The following ACADM variants were observed in gnomAD, a reference collection of about 807,000 sequenced individuals.
ACADM encodes medium-chain specific acyl-CoA dehydrogenase, mitochondrial.
ACADM carries 49 observed loss-of-function variants against 58.9 expected under a neutral mutation model. That is an observed-to-expected ratio of 0.83 (90% CI 0.66 to 1.06). The LOEUF (loss-of-function observed/expected upper bound fraction) is 1.06, where lower values mean the gene tolerates loss of function less well. Among genes scored for constraint, ACADM ranks in the 50% least tolerant of loss-of-function variants. The pLI is 0.00. For synonymous variants in ACADM, 160 were observed against 157.7 expected, an observed-to-expected ratio of 1.01 and a Z score of -0.11; for missense variants, 496 against 507.0, an observed-to-expected ratio of 0.98 and a Z score of 0.21.
At chr1:75,741,317 G>A (rs1008832126) in intron 7 of ACADM, among the ~76,000 whole-genome samples, 5 of 152,138 alleles carry the variant, frequency 3.3e-5, no homozygotes, top group Admixed American at 2.6e-4. Context: ...TTCCTTATGA[G>A]CATCCTAAAT....
Position 75,762,743 on chromosome 1 carries a change from A to G in ACADM, c.1246A>G (p.Ile416Val), listed in dbSNP as rs1333993229. 6.2e-7 allele frequency: 1 copy of G among 1,604,668 alleles called. No individual in the cohort carries two copies. The highest frequency in any genetic ancestry group is 8.5e-7 in the Non-Finnish European group (1 of 1,172,156). Residue 416 changes from isoleucine to valine, a missense_variant, in exon 12 of 12, where the codon ATT (isoleucine) becomes GTT (valine). By Grantham distance (29) the Ile-to-Val change is conservative. Coordinates refer to ENST00000370841, the MANE Select transcript of ACADM (RefSeq NM_000016.6). ...AAGACTTATTGTAGCCCGTGAACAC[A>G]TTGACAAGTACAAAAATTAAAAAAA... Reference protein sequence around the residue: ...IQRLIVAREHIDKYKN With the variant: ...IQRLIVAREHVDKYKN
chr1:75,744,600 G>A (rs3207436), intron 7 of ACADM: 1 of 1,243,268 alleles, frequency 8.0e-7, no homozygotes, highest in Non-Finnish European at 1.2e-6. Context: ...TAGTTCTGAA[G>A]AAGCGAACAC....
At position 75,740,115 on chromosome 1, in the gene ACADM, G is replaced by A. The variant is rs875989861; in HGVS notation, c.599+5G>A. 19 of 1,608,030 alleles carry A rather than the reference G, an allele frequency of 1.2e-5. No homozygotes were observed. Among genetic ancestry groups the A allele is most frequent in the Non-Finnish European group, 1.4e-5 (17 of 1,175,824 alleles). ...CAACGGAGGAAAAGCTAATTGGTAT[G>A]TTGTTCAAAACATCTTTGTATATTT... On this transcript the variant is annotated splice_donor_5th_base_variant and intron_variant, in intron 7 of 11. Coordinates refer to ENST00000370841, the MANE Select transcript of ACADM (RefSeq NM_000016.6).
intron 4 of ACADM, 77 bp from the exon 5 acceptor site, chr1:75,733,451 C>A (rs2100365405): frequency 1.4e-6 from 2 of 1,385,014 alleles, no homozygotes; most frequent in East Asian, 2.3e-5. Context: ...ATATTGAAAG[C>A]AATTAAAATA....
In ACADM at chr1:75,735,841, CA is replaced by C. The variant is rs11421630; in HGVS notation, c.468+984del. Among the ~76,000 whole-genome samples, 448 of 133,382 alleles carry C rather than the reference CA, an allele frequency of 3.4e-3. 2 individuals carry two copies. The highest frequency in any genetic ancestry group is 9.8e-3 in the African/African-American group (342 of 34,918). The allele number at this position is 133,382 out of a possible 152,430, so 87.5% of individuals were successfully genotyped here. A position where few individuals can be genotyped will look rare whatever the true frequency, so the allele number is the denominator to read the frequency against. On this transcript the variant is annotated intron_variant, in intron 6 of 11. Coordinates refer to ENST00000370841, the MANE Select transcript of ACADM (RefSeq NM_000016.6). ...TGGGCAACAGAGTGAGACTCTGTCT[CA>C]AAAAAAAAAAAAAGCAATTAATGTG...
rs565031270 is a variant in ACADM at position 75,749,836 on chromosome 1, A to T, written c.849+277A>T. 1.1e-4 allele frequency among the ~76,000 whole-genome samples: 16 copies of T among 148,874 alleles called. No homozygotes were observed. In the East Asian group the frequency reaches 3.2e-3, roughly 30 times the overall value. ...CAAGAGATTCTCCTGCCTTAGCCTCATGAGTAGCTGGGACTACAGGTGCAC... is the reference window on the plus strand; with the variant it reads ...CAAGAGATTCTCCTGCCTTAGCCTCTTGAGTAGCTGGGACTACAGGTGCAC... On this transcript the variant is annotated intron_variant, in intron 9 of 11. Coordinates refer to ENST00000370841, the MANE Select transcript of ACADM (RefSeq NM_000016.6).
At chr1:75,740,250 T>C in intron 7 of ACADM, 140 bp downstream of exon 7, 1 of 791,322 alleles carries the variant, frequency 1.3e-6, no homozygotes, top group Non-Finnish European at 2.0e-6. Context: ...TTATAAACAG[T>C]TCAGTGATTT....
At position 75,743,839 on chromosome 1, in the gene ACADM, T is replaced by A. The variant is rs576619647; in HGVS notation, c.600-1967T>A. On this transcript the variant is annotated intron_variant, in intron 7 of 11. Transcript: ENST00000370841. ...CACTGCAACACTGATGTCAATATAA[T>A]CCCTATATACCACCTCTTTGGTTAT... The A allele has an allele frequency of 5.0e-6, 7 of 1,405,690 alleles. No homozygotes were observed. The East Asian group carries it at 1.6e-4, about 32-fold the overall frequency. 87.1% of individuals were successfully genotyped at this position (1,405,690 alleles called of 1,614,324 possible).
intron 6 of ACADM, among the ~76,000 whole-genome samples, chr1:75,737,640 C>T (rs1354482303): frequency 6.6e-6 from 1 of 152,020 alleles, no homozygotes; most frequent in Non-Finnish European, 1.5e-5. Flanking sequence ...TGAATCCCCT[C>T]TACAGAATCC....
intron 10 of ACADM, among the ~76,000 whole-genome samples, chr1:75,753,647 T>G (rs1041824039): frequency 1.3e-5 from 2 of 151,862 alleles, no homozygotes; most frequent in African/African-American, 4.8e-5. Flanking sequence ...TATGTTCTCT[T>G]TCTTATAAAT....
At chr1:75,758,094 C>G (rs895232527) in intron 10 of ACADM, among the ~76,000 whole-genome samples, 4 of 151,948 alleles carry the variant, frequency 2.6e-5, no homozygotes, top group African/African-American at 7.3e-5. Flanking sequence ...CAGAGTCTCC[C>G]TCTTGTTGCC....
At chr1:75,743,871 A>G in intron 7 of ACADM, 1 of 1,420,852 alleles carries the variant, frequency 7.0e-7, no homozygotes, top group Non-Finnish European at 1.0e-6. Flanking sequence ...TTATATCATC[A>G]ATCACTGCGT....
At chr1:75,729,906 T>C (rs1229448408) in intron 2 of ACADM, among the ~76,000 whole-genome samples, 1 of 137,680 alleles carries the variant, frequency 7.3e-6, no homozygotes, top group Non-Finnish European at 1.6e-5. Context: ...TTTTTTTTTT[T>C]TTTTTTGAGA....
In ACADM at chr1:75,750,509, C is replaced by T. The variant is rs868408282; in HGVS notation, c.908C>T (p.Ala303Val). The change falls in exon 10 of 12, where the codon GCC becomes GTC. Residue 303 changes from alanine (A) to valine (V), a missense_variant. Coordinates refer to ENST00000370841, the MANE Select transcript of ACADM (RefSeq NM_000016.6). ...GCTTTGGATGAAGCTACCAAGTATG[C>T]CCTGGAAAGGAAAACTTTCGGAAAG... ...QRALDEATKY[A>V]LERKTFGKLL... The T allele has an allele frequency of 6.2e-7, 1 of 1,612,220 alleles. No individual in the cohort carries two copies. Among genetic ancestry groups the T allele is most frequent in the Non-Finnish European group, 8.5e-7 (1 of 1,179,762 alleles).
At chr1:75,744,888 A>G (rs922408416) in intron 7 of ACADM, 5 of 379,760 alleles carry the variant, frequency 1.3e-5, no homozygotes, top group African/African-American at 8.4e-5. Flanking sequence ...GGAAAGAAAA[A>G]GTGCCAGTTT....
chr1:75,751,777 G>A (rs1770514), intron 10 of ACADM, among the ~76,000 whole-genome samples: 4,785 of 152,092 alleles, frequency 0.031, 251 homozygotes, highest in African/African-American at 0.11. Flanking sequence ...AGGATTACAG[G>A]CCTGAACCAC....
chr1:75,734,643 T>C, intron 5 of ACADM, 148 bp from the exon 6 acceptor site: 1 of 634,752 alleles, frequency 1.6e-6, no homozygotes, highest in Non-Finnish European at 2.8e-6. Flanking sequence ...ATTTCCTCAT[T>C]CTAACTTAGA....
At chr1:75,755,087 T>G (rs1326622643) in intron 10 of ACADM, 1 of 152,340 alleles carries the variant, frequency 6.6e-6, no homozygotes, top group Non-Finnish European at 1.5e-5. Context: ...TGCTGAGGCT[T>G]GAGTAGGTAA....
intron 7 of ACADM, 54 bp downstream of exon 7, chr1:75,740,164 A>G (rs1647489693): frequency 6.6e-7 from 1 of 1,519,950 alleles, no homozygotes; most frequent in Admixed American, 1.7e-5. Context: ...TTATCTTCAA[A>G]TCTCTCTTTC....
Sources: allele counts gnomAD v4.1 joint callset (sites outside exome capture counted in the v4.1 genomes callset), GRCh38; gene constraint gnomAD v4.1.1; transcripts MANE v1.5; gene names NCBI Gene and HGNC (gene_info 2026-07-23, HGNC 2026-07-21).